BCAT1: variants seen among roughly 807,000 people sequenced by gnomAD.
BCAT1 encodes the protein branched chain amino acid transaminase 1.
A neutral mutation model predicts 52.4 loss-of-function variants in BCAT1; 48 were observed. The ratio of observed to expected loss-of-function variants is 0.92; its 90% CI spans 0.73 to 1.16. BCAT1 has a LOEUF of 1.16. Ranked by LOEUF, BCAT1 falls within the 50% of genes most tolerant of loss-of-function variation. BCAT1 has a pLI of 0.00. For synonymous variants in BCAT1, 167 were observed against 161.3 expected (o/e 1.04, Z -0.27); for missense variants, 451 against 457.1 (o/e 0.99, Z 0.12).
At chr12:24,831,916 T>A (rs968651730) in intron 9 of BCAT1, among the ~76,000 whole-genome samples, 1 of 147,868 alleles carries the variant, frequency 6.8e-6, no homozygotes, top group Non-Finnish European at 1.5e-5. Context: ...ACTAATTTAC[T>A]AAGAGGAGAA....
chr12:24,897,523 A>G (rs1358906551), intron 2 of BCAT1, among the ~76,000 whole-genome samples: 1 of 152,106 alleles, frequency 6.6e-6, no homozygotes, highest in Non-Finnish European at 1.5e-5. Flanking sequence ...TCTGATTTGT[A>G]CCTAAGCACT....
chr12:24,933,913 A>C (rs939191261), intron 1 of BCAT1, among the ~76,000 whole-genome samples: 1 of 152,120 alleles, frequency 6.6e-6, no homozygotes, highest in African/African-American at 2.4e-5. Context: ...CACATAGCGC[A>C]CTGGGAAGGC....
intron 5 of BCAT1, among the ~76,000 whole-genome samples, chr12:24,856,860 G>T (rs780387656): frequency 4.6e-5 from 7 of 152,182 alleles, no homozygotes; most frequent in Non-Finnish European, 8.8e-5. Flanking sequence ...ACAAAAACTG[G>T]ATGAAGTTTC....
In BCAT1 at chr12:24,913,228, T is replaced by C. The variant is rs1238167292; in HGVS notation, c.7-11343A>G. On this transcript the variant is annotated intron_variant, in intron 1 of 10. Transcript: ENST00000261192. Reference sequence around the variant, plus strand: ...ACATAATCCTGTATGTATTTACAATTACAGATTATCAAGTAGATAACACAA... The same window carrying C: ...ACATAATCCTGTATGTATTTACAATCACAGATTATCAAGTAGATAACACAA... 3.3e-5 allele frequency among the ~76,000 whole-genome samples: 5 copies of C among 152,202 alleles called. No individual in the cohort carries two copies. The East Asian group carries it at 7.7e-4, about 23-fold the overall frequency.
chr12:24,939,748 G>C (rs143409018), intron 1 of BCAT1, among the ~76,000 whole-genome samples: 1 of 152,134 alleles, frequency 6.6e-6, no homozygotes, highest in East Asian at 1.9e-4. Flanking sequence ...GAGGAGAATC[G>C]CTTGAACCTG....
At chr12:24,887,080 A>AAAATATATATAT (rs1245203518) in intron 3 of BCAT1, among the ~76,000 whole-genome samples, 5 of 40,740 alleles carry the variant, frequency 1.2e-4, no homozygotes, top group Non-Finnish European at 2.6e-4. Flanking sequence ...AAAAAAAAAA[A>AAAATATATATAT]ATATATATAT....
chr12:24,859,907 C>T (rs920157943), intron 5 of BCAT1, among the ~76,000 whole-genome samples: 3 of 152,034 alleles, frequency 2.0e-5, no homozygotes, highest in Non-Finnish European at 4.4e-5. Context: ...TGGTGTTTAG[C>T]TTTCTTTGAG....
chr12:24,881,315 T>A lies in BCAT1; in HGVS notation c.376A>T (p.Arg126Trp). 6.2e-7 allele frequency: 1 copy of A among 1,610,432 alleles called. No homozygotes were observed. Among genetic ancestry groups the A allele is most frequent in the Non-Finnish European group, 8.5e-7 (1 of 1,176,970 alleles). The change falls in exon 4 of 11, where the codon AGG (arginine) becomes TGG (tryptophan). Residue 126 changes from arginine to tryptophan, a missense_variant. Arg to Trp is a moderately radical substitution (Grantham distance 101). Transcript: ENST00000261192. The part of the protein sequence containing the change: ...NMDRMYRSAV[R>W]ATLPVFDKEE... ...CACTTACATACCGGCAGAGTTGCCC[T>A]CACAGCAGAGCGATACATTCTATCC...
intron 7 of BCAT1, among the ~76,000 whole-genome samples, chr12:24,836,949 AG>A (rs1940983102): frequency 1.7e-5 from 2 of 116,632 alleles, no homozygotes; most frequent in Non-Finnish European, 4.0e-5. Context: ...AAAGAAAGAA[AG>A]AAAGAAAAGA....
chr12:24,903,486 T>A (rs1943170456), intron 1 of BCAT1: 1 of 152,922 alleles, frequency 6.5e-6, no homozygotes, highest in African/African-American at 2.4e-5. Context: ...TTGACATTTG[T>A]GCGTCTGCTC....
intron 1 of BCAT1, among the ~76,000 whole-genome samples, chr12:24,915,888 T>C (rs929223352): frequency 3.3e-5 from 5 of 152,256 alleles, no homozygotes; most frequent in Non-Finnish European, 5.9e-5. Flanking sequence ...CTGGGCACAG[T>C]GGCTCACGCC....
intron 1 of BCAT1, chr12:24,904,605 T>C (rs1943196204): frequency 6.6e-6 from 1 of 152,300 alleles, no homozygotes; most frequent in Non-Finnish European, 1.5e-5. Flanking sequence ...TTCCTGCCAA[T>C]GGTTTTGCTT....
At chr12:24,836,306 T>C in intron 8 of BCAT1, 1 of 532,568 alleles carries the variant, frequency 1.9e-6, no homozygotes, top group South Asian at 2.7e-5. Flanking sequence ...AACTGGTTTC[T>C]CTCTGCCCTT....
chr12:24,824,762 C>G (rs987484153), intron 10 of BCAT1, among the ~76,000 whole-genome samples: 2 of 152,122 alleles, frequency 1.3e-5, no homozygotes, highest in Non-Finnish European at 2.9e-5. Flanking sequence ...GCACACTTCT[C>G]TTAAAAATTT....
In BCAT1 at chr12:24,881,443, T is replaced by C. The variant is rs1218787063; in HGVS notation, c.280-32A>G. On this transcript the variant is annotated intron_variant, in intron 3 of 10. Coordinates refer to ENST00000261192, the MANE Select transcript of BCAT1 (RefSeq NM_005504.7). ...ATCAAAGAGAAAAAATCTTAGAGGG[T>C]AACCAAAAGAAAACAACCCGTGTTC... 2.7e-6 allele frequency: 4 copies of C among 1,459,492 alleles called. No homozygotes were observed. The African/African-American group carries it at 4.2e-5, about 15-fold the overall frequency. The allele number at this position is 1,459,492 out of a possible 1,614,324, so 90.4% of individuals were successfully genotyped here.
At chr12:24,826,737 T>C (rs1940414342) in intron 10 of BCAT1, among the ~76,000 whole-genome samples, 1 of 152,204 alleles carries the variant, frequency 6.6e-6, no homozygotes, top group Non-Finnish European at 1.5e-5. Flanking sequence ...AGTATAGTCA[T>C]TTTAACAAAA....
At chr12:24,863,748 T>C (rs905002734) in intron 5 of BCAT1, among the ~76,000 whole-genome samples, 1 of 152,084 alleles carries the variant, frequency 6.6e-6, no homozygotes, top group Non-Finnish European at 1.5e-5. Context: ...CTTGGCAACA[T>C]AGCAAGACCC....
At chr12:24,880,156 T>C (rs1942452047) in intron 4 of BCAT1, among the ~76,000 whole-genome samples, 1 of 152,188 alleles carries the variant, frequency 6.6e-6, no homozygotes, top group South Asian at 2.1e-4. Context: ...TAGGTTGGGC[T>C]AAATCCCTGA....
chr12:24,900,298 T>A (rs559925067), intron 2 of BCAT1, among the ~76,000 whole-genome samples: 15 of 152,160 alleles, frequency 9.9e-5, no homozygotes, highest in Non-Finnish European at 1.8e-4. Flanking sequence ...TAAAAAAGAT[T>A]ATTTATGGCC....
Sources: gnomAD v4.1 joint callset for allele counts (sites outside exome capture counted in the v4.1 genomes callset) on GRCh38, gnomAD v4.1.1 for gene constraint, MANE v1.5 for transcripts, NCBI Gene and HGNC (gene_info 2026-07-23, HGNC 2026-07-21) for gene names.